DCP1B: variants seen among roughly 807,000 people sequenced by gnomAD.
The protein encoded by DCP1B is decapping mRNA 1B.
Under a neutral mutation model 60.5 loss-of-function variants are expected in DCP1B, and 47 were observed. The ratio of observed to expected loss-of-function variants is 0.78; its 90% CI spans 0.61 to 0.99. The LOEUF (loss-of-function observed/expected upper bound fraction) is 0.99, where lower values mean the gene tolerates loss of function less well. Ranked by LOEUF, DCP1B falls within the 50% of genes least tolerant of loss-of-function variation. The pLI is 0.00. For missense variants in DCP1B, 725 were observed against 756.8 expected (o/e 0.96, Z 0.49); for synonymous variants, 267 against 280.3 (o/e 0.95, Z 0.47).
chr12:1,959,157 G>A (rs557444994), intron 5 of DCP1B, among the ~76,000 whole-genome samples: 1 of 152,182 alleles, frequency 6.6e-6, no homozygotes, highest in Non-Finnish European at 1.5e-5. Context: ...GGAAACAGGG[G>A]AAAAGCTCCC....
intron 3 of DCP1B, among the ~76,000 whole-genome samples, chr12:1,984,556 T>C (rs1033207594): frequency 9.9e-5 from 15 of 152,068 alleles, no homozygotes; most frequent in African/African-American, 3.6e-4. Context: ...CACATCCGTA[T>C]ACACTGAACC....
downstream of DCP1B, among the ~76,000 whole-genome samples, chr12:1,942,665 A>G (rs893766206): frequency 2.6e-5 from 4 of 152,372 alleles, no homozygotes; most frequent in South Asian, 2.1e-4. Context: ...CTACACGGAA[A>G]CTGAACAACC....
chr12:1,961,043 A>G (rs111345792), intron 5 of DCP1B, among the ~76,000 whole-genome samples: 4,145 of 152,338 alleles, frequency 0.027, 95 homozygotes, highest in Middle Eastern at 0.054. Context: ...ACTGGCAGCT[A>G]GCAGGGTGCA....
chr12:1,992,847 G>C, intron 3 of DCP1B: 2 of 389,488 alleles, frequency 5.1e-6, no homozygotes, highest in Non-Finnish European at 9.2e-6. Flanking sequence ...CAAACACTTT[G>C]TCAGCTCACT....
intron 1 of DCP1B, among the ~76,000 whole-genome samples, chr12:2,003,233 G>A (rs2042600740): frequency 6.6e-6 from 1 of 152,090 alleles, no homozygotes; most frequent in African/African-American, 2.4e-5. Flanking sequence ...GTAGGCTTAT[G>A]AATGTGGGTG....
chr12:1,967,682 G>A (rs552286364), intron 4 of DCP1B, among the ~76,000 whole-genome samples, 162 bp downstream of exon 4: 5 of 152,312 alleles, frequency 3.3e-5, no homozygotes, highest in South Asian at 2.1e-4. Context: ...TTGTTCTTAC[G>A]TCTAATTTTC....
rs1198433262 is a variant in DCP1B at position 2,004,399 on chromosome 12, T to C, written c.33A>G (p.Gly11=). 5 of 1,612,002 alleles carry C rather than the reference T, an allele frequency of 3.1e-6. No individual in the cohort carries two copies. Among genetic ancestry groups the C allele is most frequent in the Non-Finnish European group, 4.2e-6 (5 of 1,179,532 alleles). MAAVAAGGLV[G]KGRDISLAAL... is the part of the protein sequence containing the mutation. ...CCGCTAGGCTGATGTCGCGCCCCTT[T>C]CCCACCAGGCCGCCTGCCGCCACGG... Residue 11 remains glycine, a synonymous_variant, in exon 1 of 9, where the codon GGA becomes GGG. Transcript: ENST00000280665.
At chr12:1,990,142 C>T (rs112363212) in intron 3 of DCP1B, among the ~76,000 whole-genome samples, 4,259 of 152,184 alleles carry the variant, frequency 0.028, 96 homozygotes, top group Middle Eastern at 0.054. Context: ...TGGACCACAG[C>T]GTATCACTTA....
intron 3 of DCP1B, among the ~76,000 whole-genome samples, chr12:1,973,400 T>C (rs868850976): frequency 7.2e-5 from 11 of 152,298 alleles, no homozygotes; most frequent in African/African-American, 2.2e-4. Context: ...GTTAATGCCA[T>C]TAAAAACAAA....
chr12:2,002,176 C>G (rs2042321677), intron 1 of DCP1B, among the ~76,000 whole-genome samples: 1 of 152,202 alleles, frequency 6.6e-6, no homozygotes, highest in African/African-American at 2.4e-5. Flanking sequence ...CATCCATTTT[C>G]AGGGCAATAA....
At chr12:1,964,033 T>C (rs779504376) in intron 5 of DCP1B, among the ~76,000 whole-genome samples, 2 of 152,254 alleles carry the variant, frequency 1.3e-5, no homozygotes, top group Admixed American at 1.3e-4. Context: ...AAAATTACAA[T>C]GCCAACAGTA....
chr12:1,942,537 G>A (rs567014579), downstream of DCP1B, among the ~76,000 whole-genome samples: 15 of 152,206 alleles, frequency 9.9e-5, no homozygotes, highest in South Asian at 4.2e-4. Flanking sequence ...CCACATAATC[G>A]GAAGTAAAGC....
chr12:1,999,193 T>C (rs372693702), intron 1 of DCP1B, among the ~76,000 whole-genome samples: 30 of 152,234 alleles, frequency 2.0e-4, no homozygotes, highest in East Asian at 9.6e-4. Context: ...TTTATTAAAC[T>C]GTCCAGGTGA....
intron 1 of DCP1B, among the ~76,000 whole-genome samples, chr12:2,001,780 T>TA (rs2042244342): frequency 6.6e-6 from 1 of 152,208 alleles, no homozygotes; most frequent in Non-Finnish European, 1.5e-5. Context: ...AACACAACGT[T>TA]AGTCACTTTA....
chr12:1,973,829 G>A (rs1281332887), intron 3 of DCP1B, among the ~76,000 whole-genome samples: 1 of 152,096 alleles, frequency 6.6e-6, no homozygotes, highest in Non-Finnish European at 1.5e-5. Flanking sequence ...ATTTTCATTT[G>A]TTCATAATCT....
At chr12:1,993,627 GGT>G (rs150056084) in intron 2 of DCP1B, among the ~76,000 whole-genome samples, 3,956 of 146,564 alleles carry the variant, frequency 0.027, 86 homozygotes, top group Middle Eastern at 0.057. Flanking sequence ...CTTCATTTGT[GGT>G]GTGTGTGTGT....
chr12:1,982,295 G>C (rs187642363), intron 3 of DCP1B, among the ~76,000 whole-genome samples: 1 of 152,022 alleles, frequency 6.6e-6, no homozygotes, highest in Non-Finnish European at 1.5e-5. Context: ...ACAATATTGT[G>C]CAACCATCAC....
In DCP1B at chr12:2,000,366, A is replaced by C. The variant is rs11062056; in HGVS notation, c.151-2391T>G. Among the ~76,000 whole-genome samples the C allele has an allele frequency of 1.3e-3, 201 of 152,274 alleles. 2 individuals are homozygous for C. The East Asian group carries it at 0.034, about 26-fold the overall frequency. The stretch of plus-strand genomic sequence containing the variant: ...CTGACCTTGGACTGTTTCATCTTAG[A>C]GATCTGAATAAGGATATCTATATAT... On this transcript the variant is annotated intron_variant, in intron 1 of 8. Transcript: ENST00000280665.
chr12:1,942,974 C>T (rs556140088), downstream of DCP1B, among the ~76,000 whole-genome samples: 15 of 152,006 alleles, frequency 9.9e-5, no homozygotes, highest in African/African-American at 2.7e-4. Flanking sequence ...GACAGAAACA[C>T]GAAAAACCCT....
Sources: allele counts gnomAD v4.1 joint callset (sites outside exome capture counted in the v4.1 genomes callset), GRCh38; gene constraint gnomAD v4.1.1; transcripts MANE v1.5; gene names NCBI Gene and HGNC (gene_info 2026-07-23, HGNC 2026-07-21).